DNAH7: variants seen among roughly 807,000 people sequenced by gnomAD.
The protein encoded by DNAH7 is dynein axonemal heavy chain 7, also known as axonemal beta dynein heavy chain 7.
A neutral mutation model predicts 444.6 loss-of-function variants in DNAH7; 397 were observed. The ratio of observed to expected loss-of-function variants is 0.89; its 90% CI spans 0.82 to 0.97. DNAH7 has a LOEUF of 0.97. Among genes scored for constraint, DNAH7 ranks in the 50% least tolerant of loss-of-function variants. The probability of loss-of-function intolerance (pLI) is 0.00; values close to 1 mark genes in which losing one functional copy is unlikely to be tolerated. For synonymous variants in DNAH7, 1,636 were observed against 1,624.4 expected, an observed-to-expected ratio of 1.01 and a Z score of -0.17; for missense variants, 4,902 against 4,800.8, an observed-to-expected ratio of 1.02 and a Z score of -0.62.
At chr2:195,753,156 G>T (rs748034472) in intron 63 of DNAH7, among the ~76,000 whole-genome samples, 74 of 152,112 alleles carry the variant, frequency 4.9e-4, no homozygotes, top group Non-Finnish European at 7.4e-4. Context: ...GGATCTGGAT[G>T]CCTCAAGGGT....
intron 51 of DNAH7, among the ~76,000 whole-genome samples, chr2:195,814,797 G>A (rs919410986): frequency 6.6e-6 from 1 of 151,660 alleles, no homozygotes; most frequent in Non-Finnish European, 1.5e-5. Flanking sequence ...CTGAAGTGTG[G>A]TGGCACAATC....
rs144096209 is a variant in DNAH7, at chr2:195,816,612, T to A, written c.9761+16A>T. ...GCATTAATTAGTTAATATTAACTAG[T>A]ATTTCCTTTACATACCTTTTTGCCA... On this transcript the variant is annotated intron_variant, in intron 51 of 64. Transcript: ENST00000312428. The A allele has an allele frequency of 1.8e-3, 2,806 of 1,567,142 alleles. 53 individuals are homozygous for A. In the African/African-American group the frequency reaches 0.034, roughly 19 times the overall value.
intron 19 of DNAH7, among the ~76,000 whole-genome samples, chr2:195,947,283 CAT>C (rs1480708011): frequency 5.9e-5 from 9 of 151,798 alleles, no homozygotes; most frequent in South Asian, 2.1e-4. Flanking sequence ...GCGTGAGCCA[CAT>C]GTCTTATTTT....
intron 60 of DNAH7, among the ~76,000 whole-genome samples, chr2:195,772,836 C>T (rs1394444180): frequency 2.0e-5 from 3 of 149,508 alleles, no homozygotes; most frequent in Non-Finnish European, 3.0e-5. Flanking sequence ...GCTGGAGTGC[C>T]GTGGCACGAT....
chr2:195,999,122 C>A (rs908280654), intron 12 of DNAH7: 1 of 717,374 alleles, frequency 1.4e-6, no homozygotes, highest in Non-Finnish European at 2.6e-6. Flanking sequence ...AAGCCAAGAA[C>A]ACTGAAGGGT....
At chr2:195,778,755 CAG>C (rs1336709907) in intron 58 of DNAH7, among the ~76,000 whole-genome samples, 15 of 133,968 alleles carry the variant, frequency 1.1e-4, no homozygotes, top group African/African-American at 3.2e-4. Flanking sequence ...TAATAAAACT[CAG>C]AGATCAGCAG....
chr2:195,947,875 T>C (rs1574851933), intron 19 of DNAH7, among the ~76,000 whole-genome samples: 2 of 152,316 alleles, frequency 1.3e-5, no homozygotes. Flanking sequence ...CCACACTGTC[T>C]TCCACAATGG....
rs1688061069 is a variant in DNAH7 at position 195,922,114 on chromosome 2, A to G, written c.3909T>C (p.Ile1303=). 1 of 1,610,324 alleles carries G rather than the reference A, an allele frequency of 6.2e-7. No homozygotes were observed. The highest frequency in any genetic ancestry group is 1.7e-5 in the Admixed American group (1 of 60,008). Reference sequence around the variant, plus strand: ...TGTAACATCTATCCGTGAGTGGTGTAATAACCAGCCTAGGGGAATTACCCA... The same window carrying G: ...TGTAACATCTATCCGTGAGTGGTGTGATAACCAGCCTAGGGGAATTACCCA... ...EYLGNSPRLV[I]TPLTDRCYRT... Residue 1303 remains isoleucine (I), a synonymous_variant, in exon 24 of 65, where the codon ATT becomes ATC. Transcript: ENST00000312428.
At chr2:195,919,642 G>A (rs1264133820) in intron 24 of DNAH7, among the ~76,000 whole-genome samples, 1 of 152,070 alleles carries the variant, frequency 6.6e-6, no homozygotes, top group Non-Finnish European at 1.5e-5. Flanking sequence ...ACCACACCAG[G>A]CCAAAAAGTC....
chr2:195,855,333 A>G (rs1699628476), intron 45 of DNAH7, among the ~76,000 whole-genome samples: 1 of 152,210 alleles, frequency 6.6e-6, no homozygotes, highest in African/African-American at 2.4e-5. Context: ...AAATATTTTT[A>G]GTAGATACTG....
chr2:196,043,352 GTTC>G (rs764912971), intron 5 of DNAH7, among the ~76,000 whole-genome samples: 3 of 152,090 alleles, frequency 2.0e-5, no homozygotes, highest in Non-Finnish European at 2.9e-5. Context: ...GTCACATAGG[GTTC>G]TCGTCAACAA....
At chr2:195,745,143 TAGAG>T (rs772595756) in intron 63 of DNAH7, among the ~76,000 whole-genome samples, 8 of 151,820 alleles carry the variant, frequency 5.3e-5, no homozygotes, top group Non-Finnish European at 1.2e-4. Flanking sequence ...GAATAACCAA[TAGAG>T]AGAAGTGCTT....
intron 54 of DNAH7, among the ~76,000 whole-genome samples, chr2:195,805,137 T>C (rs773445858): frequency 7.2e-5 from 11 of 152,176 alleles, no homozygotes; most frequent in Non-Finnish European, 1.6e-4. Context: ...TATTTTCAGA[T>C]TAAAGTGTCA....
chr2:196,029,870 T>TC (rs1365151867), intron 5 of DNAH7, among the ~76,000 whole-genome samples: 1 of 151,942 alleles, frequency 6.6e-6, no homozygotes. Flanking sequence ...TATTTTTTTT[T>TC]CTCTTTACAA....
chr2:195,831,377 G>A (rs964798635), intron 48 of DNAH7, among the ~76,000 whole-genome samples: 1 of 152,200 alleles, frequency 6.6e-6, no homozygotes, highest in African/African-American at 2.4e-5. Context: ...AGCTGAAGCA[G>A]GCAGCTGACG....
At chr2:196,063,039 C>T (rs1034777738) in intron 1 of DNAH7, among the ~76,000 whole-genome samples, 1 of 152,118 alleles carries the variant, frequency 6.6e-6, no homozygotes, top group Non-Finnish European at 1.5e-5. Context: ...TGTGCCACCA[C>T]ACTGGCTAAT....
chr2:196,032,717 C>A (rs1210226397), intron 5 of DNAH7, among the ~76,000 whole-genome samples: 3 of 152,194 alleles, frequency 2.0e-5, no homozygotes, highest in Non-Finnish European at 4.4e-5. Context: ...CAATTCTACA[C>A]AAATTCTTTC....
intron 58 of DNAH7, among the ~76,000 whole-genome samples, chr2:195,784,273 A>C (rs1203943765): frequency 6.6e-6 from 1 of 151,964 alleles, no homozygotes; most frequent in African/African-American, 2.4e-5. Context: ...TTTCCTACCT[A>C]AGCCTTGGGA....
intron 48 of DNAH7, among the ~76,000 whole-genome samples, chr2:195,833,809 G>A (rs1338294271): frequency 1.3e-5 from 2 of 152,070 alleles, no homozygotes; most frequent in Admixed American, 6.5e-5. Context: ...AGGCTGGAGT[G>A]TAGTGGCACT....
Sources: gnomAD v4.1 joint callset for allele counts (sites outside exome capture counted in the v4.1 genomes callset) on GRCh38, gnomAD v4.1.1 for gene constraint, MANE v1.5 for transcripts, NCBI Gene and HGNC (gene_info 2026-07-23, HGNC 2026-07-21) for gene names.